Variants in C10orf90 observed in about 807,000 individuals in gnomAD.
C10orf90 encodes chromosome 10 open reading frame 90.
Under a neutral mutation model 62.5 loss-of-function variants are expected in C10orf90, and 56 were observed. The observed-to-expected ratio is 0.90, with a 90% CI of 0.72 to 1.12. The LOEUF (loss-of-function observed/expected upper bound fraction) is 1.12, where lower values mean the gene tolerates loss of function less well. Ranked by LOEUF, C10orf90 falls within the 50% of genes most tolerant of loss-of-function variation. The pLI is 0.00. For synonymous variants in C10orf90, 386 were observed against 340.4 expected (o/e 1.13, Z -1.47); for missense variants, 970 against 880.4 (o/e 1.10, Z -1.29).
intron 2 of C10orf90, among the ~76,000 whole-genome samples, chr10:126,638,531 T>C (rs1845998400): frequency 6.6e-6 from 1 of 152,060 alleles, no homozygotes; most frequent in Non-Finnish European, 1.5e-5. Flanking sequence ...GCTGGTCTCA[T>C]TCTGCCCACT....
chr10:126,612,927 C>T (rs974768761), intron 2 of C10orf90, among the ~76,000 whole-genome samples: 9 of 152,144 alleles, frequency 5.9e-5, no homozygotes, highest in Non-Finnish European at 1.2e-4. Flanking sequence ...GAAAAATGCT[C>T]GCCCTCGCAG....
At chr10:126,481,865 T>C (rs1861179463) in intron 4 of C10orf90, among the ~76,000 whole-genome samples, 1 of 152,152 alleles carries the variant, frequency 6.6e-6, no homozygotes, top group African/African-American at 2.4e-5. Context: ...AAGCCTAAAA[T>C]GATGACTCTA....
chr10:126,575,305 G>C (rs1189400286), intron 2 of C10orf90, among the ~76,000 whole-genome samples: 1 of 151,626 alleles, frequency 6.6e-6, no homozygotes, highest in Non-Finnish European at 1.5e-5. Context: ...AAATCTAGAA[G>C]GTAATCCCAC....
intron 2 of C10orf90, among the ~76,000 whole-genome samples, chr10:126,604,021 G>C (rs1229456275): frequency 6.6e-6 from 1 of 152,156 alleles, no homozygotes; most frequent in Non-Finnish European, 1.5e-5. Flanking sequence ...AAATTAGGTG[G>C]GACAAGCTTG....
chr10:126,637,508 T>G lies in C10orf90; in HGVS notation c.313+9057A>C, dbSNP rs544570684. On this transcript the variant is annotated intron_variant, in intron 2 of 9. Coordinates refer to ENST00000488181, the MANE Select transcript of C10orf90 (RefSeq NM_001350921.2). ...GTTTGGATGGAGGAGCAAGTATTCA[T>G]CAAATCCAAATCAACCTGAAAGCAT... Among the ~76,000 whole-genome samples, 13 of 152,296 alleles carry G rather than the reference T, an allele frequency of 8.5e-5. No individual in the cohort carries two copies. In the East Asian group the frequency reaches 1.5e-3, roughly 18 times the overall value.
intron 2 of C10orf90, among the ~76,000 whole-genome samples, chr10:126,523,288 A>G (rs1863826670): frequency 6.6e-6 from 1 of 152,136 alleles, no homozygotes. Context: ...CTCAAGGATG[A>G]TGACAACAGC....
intron 5 of C10orf90, 45 bp downstream of exon 5, chr10:126,464,651 G>GA: frequency 6.4e-7 from 1 of 1,556,872 alleles, no homozygotes; most frequent in Non-Finnish European, 8.7e-7. Flanking sequence ...AATTTTTATC[G>GA]AATGTCAAGA....
chr10:126,519,743 C>T (rs1331395528), intron 2 of C10orf90, among the ~76,000 whole-genome samples: 2 of 152,180 alleles, frequency 1.3e-5, no homozygotes, highest in Non-Finnish European at 1.5e-5. Flanking sequence ...GGAAGTCTTC[C>T]TGTCTTCAAC....
chr10:126,630,184 C>T (rs753213972), intron 2 of C10orf90, among the ~76,000 whole-genome samples: 1 of 152,174 alleles, frequency 6.6e-6, no homozygotes, highest in African/African-American at 2.4e-5. Context: ...CAAAATGGAG[C>T]TGGATATCTT....
intron 1 of C10orf90, among the ~76,000 whole-genome samples, chr10:126,649,028 GTCTC>G (rs1224800410): frequency 9.7e-6 from 1 of 102,798 alleles, no homozygotes; most frequent in Non-Finnish European, 1.9e-5. Flanking sequence ...CTCTCTCTCT[GTCTC>G]TGTCTCTCTC....
chr10:126,499,846 C>T (rs1407543892), intron 4 of C10orf90, among the ~76,000 whole-genome samples: 4 of 152,200 alleles, frequency 2.6e-5, no homozygotes, highest in African/African-American at 9.7e-5. Context: ...ATAGCATCTA[C>T]CATCATCAGA....
chr10:126,521,348 A>G, intron 2 of C10orf90: 2 of 1,613,966 alleles, frequency 1.2e-6, no homozygotes, highest in South Asian at 2.2e-5. Flanking sequence ...AAGCCATTTT[A>G]CTCAGTTTCA....
At chr10:126,466,371 A>AACACACAC (rs10573171) in intron 4 of C10orf90, among the ~76,000 whole-genome samples, 5 of 150,016 alleles carry the variant, frequency 3.3e-5, no homozygotes, top group Non-Finnish European at 4.5e-5. Context: ...CACACACACA[A>AACACACAC]ACACACACAC....
At chr10:126,500,318 A>G (rs1251705065) in intron 4 of C10orf90, among the ~76,000 whole-genome samples, 1 of 152,172 alleles carries the variant, frequency 6.6e-6, no homozygotes, top group Non-Finnish European at 1.5e-5. Flanking sequence ...AGCAGGAGAC[A>G]AGTACACAGC....
intron 2 of C10orf90, among the ~76,000 whole-genome samples, chr10:126,597,378 G>A (rs887164598): frequency 6.6e-6 from 1 of 152,214 alleles, no homozygotes; most frequent in Non-Finnish European, 1.5e-5. Context: ...GCCTAGAGGC[G>A]AGATAGCACA....
chr10:126,445,189 GC>G (rs1474875490), intron 7 of C10orf90, among the ~76,000 whole-genome samples: 1 of 152,114 alleles, frequency 6.6e-6, no homozygotes, highest in African/African-American at 2.4e-5. Flanking sequence ...AAACTAAAGA[GC>G]TTTTGCATGA....
At chr10:126,446,165 C>A (rs1285144495) in intron 7 of C10orf90, among the ~76,000 whole-genome samples, 3 of 151,196 alleles carry the variant, frequency 2.0e-5, no homozygotes, top group Admixed American at 6.6e-5. Flanking sequence ...AAAATAAAAT[C>A]TTTTTTTTTA....
chr10:126,481,959 G>A (rs185686168), intron 4 of C10orf90, among the ~76,000 whole-genome samples: 54 of 152,272 alleles, frequency 3.5e-4, no homozygotes, highest in Admixed American at 7.2e-4. Flanking sequence ...CCCATACCTA[G>A]GAGGAAGAAA....
At chr10:126,566,571 G>A (rs912707970) in intron 2 of C10orf90, among the ~76,000 whole-genome samples, 9 of 152,138 alleles carry the variant, frequency 5.9e-5, no homozygotes, top group Non-Finnish European at 1.2e-4. Flanking sequence ...GGAAGCCACC[G>A]GCAAAGAGAA....
Sources: gnomAD v4.1 joint callset for allele counts (sites outside exome capture counted in the v4.1 genomes callset) on GRCh38, gnomAD v4.1.1 for gene constraint, MANE v1.5 for transcripts, NCBI Gene and HGNC (gene_info 2026-07-23, HGNC 2026-07-21) for gene names.